The following TNIK variants were observed in gnomAD, a reference collection of about 807,000 sequenced individuals.
TNIK encodes the protein TRAF2 and NCK interacting kinase.
A neutral mutation model predicts 191.3 loss-of-function variants in TNIK; 49 were observed. The ratio of observed to expected loss-of-function variants is 0.26; its 90% CI spans 0.20 to 0.32. The LOEUF is 0.32. Among genes scored for constraint, TNIK ranks in the 10% least tolerant of loss-of-function variants. TNIK has a pLI of 1.00. For missense variants in TNIK, 1,155 were observed against 1,702.3 expected (o/e 0.68, Z 5.66); for synonymous variants, 594 against 600.9 (o/e 0.99, Z 0.17).
chr3:171,345,867 A>G (rs898266706), intron 2 of TNIK, among the ~76,000 whole-genome samples: 1 of 152,186 alleles, frequency 6.6e-6, no homozygotes, highest in Non-Finnish European at 1.5e-5. Flanking sequence ...TACTCAACAA[A>G]AACAGAATCC....
intron 19 of TNIK, among the ~76,000 whole-genome samples, chr3:171,108,411 A>G (rs1175997440): frequency 6.6e-6 from 1 of 152,238 alleles, no homozygotes; most frequent in Non-Finnish European, 1.5e-5. Flanking sequence ...TATCACCACT[A>G]GAGCACTTCT....
At chr3:171,067,034 C>T (rs1718530098) in intron 30 of TNIK, among the ~76,000 whole-genome samples, 1 of 152,126 alleles carries the variant, frequency 6.6e-6, no homozygotes, top group Non-Finnish European at 1.5e-5. Flanking sequence ...AATAGCTCCC[C>T]AAGGTAGATA....
intron 24 of TNIK, 78 bp downstream of exon 24, chr3:171,087,264 C>T (rs1468936272): frequency 6.4e-7 from 1 of 1,566,830 alleles, no homozygotes; most frequent in Non-Finnish European, 8.7e-7. Flanking sequence ...GGCGAAGCCT[C>T]ATTCTTGAAG....
intron 2 of TNIK, among the ~76,000 whole-genome samples, chr3:171,233,621 GAT>G (rs1743933979): frequency 6.6e-6 from 1 of 152,214 alleles, no homozygotes; most frequent in African/African-American, 2.4e-5. Flanking sequence ...AAAGGTGAAG[GAT>G]GATGGCCACT....
chr3:171,108,933 G>T (rs149002494), intron 19 of TNIK, among the ~76,000 whole-genome samples: 2 of 152,274 alleles, frequency 1.3e-5, no homozygotes, highest in Non-Finnish European at 2.9e-5. Flanking sequence ...GCAATTTAGG[G>T]TAGGAGAGGT....
intron 24 of TNIK, among the ~76,000 whole-genome samples, chr3:171,086,654 T>C (rs1425766313): frequency 1.3e-5 from 2 of 152,242 alleles, no homozygotes; most frequent in Non-Finnish European, 2.9e-5. Context: ...GTACATGTGC[T>C]TTATAAACAC....
At chr3:171,201,006 A>G (rs1389672318) in intron 4 of TNIK, among the ~76,000 whole-genome samples, 1 of 152,116 alleles carries the variant, frequency 6.6e-6, no homozygotes, top group African/African-American at 2.4e-5. Flanking sequence ...TGGTAAAAGG[A>G]GGGGTTGGAG....
intron 1 of TNIK, among the ~76,000 whole-genome samples, chr3:171,457,815 G>T (rs915340071): frequency 3.3e-5 from 5 of 152,174 alleles, no homozygotes; most frequent in Non-Finnish European, 5.9e-5. Flanking sequence ...CAGAAGCAGA[G>T]CCCTAAGCTG....
intron 11 of TNIK, among the ~76,000 whole-genome samples, chr3:171,160,583 G>A (rs1003241341): frequency 1.3e-5 from 2 of 151,750 alleles, no homozygotes; most frequent in African/African-American, 4.8e-5. Context: ...AGCTGAATTC[G>A]CTCACCAAAG....
Position 171,071,231 on chromosome 3 carries a change from C to T in TNIK, c.3541G>A (p.Ala1181Thr). 6.3e-7 allele frequency: 1 copy of T among 1,597,874 alleles called. No homozygotes were observed. The highest frequency in any genetic ancestry group is 8.5e-7 in the Non-Finnish European group (1 of 1,173,572). ...WAPKPYHKFM[A>T]FKSFADLQHK... ...ATCACATCCCTGCTTACCTTAAATG[C>T]CATGAATTTATGATACGGTTTAGGA... Residue 1181 changes from alanine to threonine, a missense_variant, in exon 29 of 33, where the codon GCA (alanine) becomes ACA (threonine). Ala to Thr is a moderately conservative substitution (Grantham distance 58). Around this residue, in one of 3 missense-constraint regions of TNIK, gnomAD observed 195 missense variants for 415.4 expected, o/e 0.47. Coordinates refer to ENST00000436636, the MANE Select transcript of TNIK (RefSeq NM_015028.4).
chr3:171,202,075 C>T (rs1437613851), intron 4 of TNIK, among the ~76,000 whole-genome samples: 1 of 152,160 alleles, frequency 6.6e-6, no homozygotes, highest in Non-Finnish European at 1.5e-5. Context: ...CTCAAGTCGC[C>T]TATGTCTCAA....
At chr3:171,168,594 G>A (rs191605838) in intron 9 of TNIK, among the ~76,000 whole-genome samples, 21 of 150,336 alleles carry the variant, frequency 1.4e-4, no homozygotes, top group Admixed American at 4.6e-4. Flanking sequence ...TTTTTTTTCC[G>A]CTCTAAATTT....
At chr3:171,352,225 C>A (rs751664209) in intron 2 of TNIK, among the ~76,000 whole-genome samples, 1 of 152,180 alleles carries the variant, frequency 6.6e-6, no homozygotes. Flanking sequence ...TTGAAAGGTT[C>A]ATCCTGGGTT....
chr3:171,105,229 G>C (rs1382376989), intron 21 of TNIK, among the ~76,000 whole-genome samples: 2 of 152,196 alleles, frequency 1.3e-5, no homozygotes, highest in Non-Finnish European at 2.9e-5. Flanking sequence ...GGAGAAGGGA[G>C]AAAGGTGTAG....
chr3:171,328,418 A>G (rs1012762192), intron 2 of TNIK, among the ~76,000 whole-genome samples: 1 of 152,216 alleles, frequency 6.6e-6, no homozygotes, highest in Non-Finnish European at 1.5e-5. Context: ...TGGGGCTACC[A>G]TGAAAAGTCC....
At chr3:171,353,848 G>A (rs1052572697) in intron 2 of TNIK, among the ~76,000 whole-genome samples, 3 of 152,146 alleles carry the variant, frequency 2.0e-5, no homozygotes, top group Non-Finnish European at 2.9e-5. Context: ...TCTTCTCTTA[G>A]TAATAGTAGG....
chr3:171,329,243 GTTA>G (rs1756146531), intron 2 of TNIK, among the ~76,000 whole-genome samples: 1 of 151,904 alleles, frequency 6.6e-6, no homozygotes, highest in Non-Finnish European at 1.5e-5. Flanking sequence ...TCAAATAAAT[GTTA>G]TTATCATTTT....
chr3:171,456,326 T>C lies in TNIK; in HGVS notation c.57+3681A>G, dbSNP rs190856904. 7.2e-5 allele frequency among the ~76,000 whole-genome samples: 11 copies of C among 152,344 alleles called. No individual in the cohort carries two copies. In the East Asian group the frequency reaches 1.5e-3, roughly 21 times the overall value. On this transcript the variant is annotated intron_variant, in intron 1 of 32. Coordinates refer to ENST00000436636, the MANE Select transcript of TNIK (RefSeq NM_015028.4). The stretch of plus-strand genomic sequence containing the variant: ...TCATCTCTTTTAATACTGAGATGTC[T>C]TGAAGCAAGAATGACTCAAGCCCCA...
At chr3:171,081,713 T>C (rs1405156897) in intron 27 of TNIK, among the ~76,000 whole-genome samples, 3 of 150,858 alleles carry the variant, frequency 2.0e-5, no homozygotes, top group Non-Finnish European at 4.4e-5. Context: ...TTTTTTCCTA[T>C]ATAAGGCTCT....
Sources: gnomAD v4.1 joint callset for allele counts (sites outside exome capture counted in the v4.1 genomes callset) on GRCh38, gnomAD v4.1.1 for gene constraint, gnomAD v4.1.1 regional missense constraint, MANE v1.5 for transcripts, NCBI Gene and HGNC (gene_info 2026-07-23, HGNC 2026-07-21) for gene names.